TRIM33: variants seen among roughly 807,000 people sequenced by gnomAD.
The protein encoded by TRIM33 is E3 ubiquitin-protein ligase TRIM33.
A neutral mutation model predicts 125.4 loss-of-function variants in TRIM33; 20 were observed. The ratio of observed to expected loss-of-function variants is 0.16; its 90% CI spans 0.11 to 0.23. The LOEUF (loss-of-function observed/expected upper bound fraction) is 0.23, where lower values mean the gene tolerates loss of function less well. TRIM33 is among the 10% of genes least tolerant of loss of function. The probability of loss-of-function intolerance (pLI) is 1.00; values close to 1 mark genes in which losing one functional copy is unlikely to be tolerated. For synonymous variants in TRIM33, 564 were observed against 513.9 expected (o/e 1.10, Z -1.32); for missense variants, 920 against 1,411.4 (o/e 0.65, Z 5.58).
At chr1:114,461,488 T>A (rs975191388) in intron 4 of TRIM33, among the ~76,000 whole-genome samples, 1 of 151,306 alleles carries the variant, frequency 6.6e-6, no homozygotes, top group Middle Eastern at 3.4e-3. Context: ...TCAGTCAATA[T>A]GAGGGGAAAC....
At position 114,407,016 on chromosome 1, in the gene TRIM33, A is replaced by G; in HGVS notation, c.2343T>C (p.Thr781=). 1.2e-6 allele frequency: 2 copies of G among 1,614,018 alleles called. No homozygotes were observed. Among genetic ancestry groups the G allele is most frequent in the Non-Finnish European group, 1.7e-6 (2 of 1,179,930 alleles). The change falls in exon 14 of 20, where the codon ACT becomes ACC. Residue 781 remains threonine (T), a synonymous_variant. Transcript: ENST00000358465. ...DQVKVKQEPG[T]EDEICSFSGG... ...CTGAAAAGCTACATATTTCATCTTCAGTCCCAGGTTCTTGCTTGACCTTCA... is the reference window on the plus strand; with the variant it reads ...CTGAAAAGCTACATATTTCATCTTCGGTCCCAGGTTCTTGCTTGACCTTCA...
At chr1:114,441,516 A>T (rs931483597) in intron 4 of TRIM33, among the ~76,000 whole-genome samples, 1 of 152,240 alleles carries the variant, frequency 6.6e-6, no homozygotes, top group Admixed American at 6.5e-5. Context: ...ATACATGCAC[A>T]GAAGGGAACT....
At chr1:114,406,199 C>T (rs182746435) in intron 14 of TRIM33, among the ~76,000 whole-genome samples, 2 of 152,292 alleles carry the variant, frequency 1.3e-5, no homozygotes, top group East Asian at 3.9e-4. Context: ...TGTTCACCAA[C>T]CTTGGCACCC....
intron 4 of TRIM33, among the ~76,000 whole-genome samples, chr1:114,449,242 A>G (rs899843915): frequency 6.6e-6 from 1 of 152,214 alleles, no homozygotes; most frequent in Non-Finnish European, 1.5e-5. Flanking sequence ...AAAAGTCACC[A>G]GTCACGACAG....
In TRIM33 at chr1:114,511,155, C is replaced by T; in HGVS notation, c.-79G>A. 1.9e-6 allele frequency: 2 copies of T among 1,055,850 alleles called. No homozygotes were observed. The highest frequency in any genetic ancestry group is 8.8e-5 in the South Asian group (2 of 22,844). The allele number at this position is 1,055,850 out of a possible 1,614,324, so 65.4% of individuals were successfully genotyped here. On this transcript the variant is annotated 5_prime_UTR_variant, in exon 1 of 20. Transcript: ENST00000358465. ...CCGCCGCCGCCGCCCCCAGCCCCAG[C>T]CGCAGCCGCAGCAAGAGCGGCAGCC...
intron 5 of TRIM33, 113 bp from the exon 6 acceptor site, chr1:114,431,025 C>T: frequency 4.4e-6 from 3 of 689,596 alleles, no homozygotes; most frequent in South Asian, 1.8e-5. Context: ...AAAATGAAAA[C>T]TTTGTCAAAA....
chr1:114,477,839 G>A (rs1252229461), intron 1 of TRIM33, among the ~76,000 whole-genome samples: 1 of 152,116 alleles, frequency 6.6e-6, no homozygotes, highest in African/African-American at 2.4e-5. Context: ...CACCACCAGT[G>A]ACTAGTTGCT....
At chr1:114,447,888 A>G (rs1167658584) in intron 4 of TRIM33, among the ~76,000 whole-genome samples, 1 of 152,218 alleles carries the variant, frequency 6.6e-6, no homozygotes, top group African/African-American at 2.4e-5. Flanking sequence ...CATGACCTTG[A>G]AAAGAGCAAT....
At chr1:114,426,828 CTTAA>C (rs1161723193) in intron 8 of TRIM33, among the ~76,000 whole-genome samples, 1 of 152,162 alleles carries the variant, frequency 6.6e-6, no homozygotes, top group Non-Finnish European at 1.5e-5. Flanking sequence ...CACAATTTGG[CTTAA>C]TTAAACAACT....
At chr1:114,398,216 A>G (rs1000965435) in intron 18 of TRIM33, among the ~76,000 whole-genome samples, 1 of 152,208 alleles carries the variant, frequency 6.6e-6, no homozygotes, top group African/African-American at 2.4e-5. Context: ...CTTATTTTGA[A>G]TTATCAAGGT....
intron 1 of TRIM33, among the ~76,000 whole-genome samples, chr1:114,502,586 A>T (rs1002205883): frequency 6.6e-6 from 1 of 152,184 alleles, no homozygotes; most frequent in Admixed American, 6.6e-5. Flanking sequence ...AGTTCACTGT[A>T]GCCTCAACCT....
intron 4 of TRIM33, among the ~76,000 whole-genome samples, 176 bp downstream of exon 4, chr1:114,462,928 G>C (rs1331673499): frequency 1.3e-5 from 2 of 152,136 alleles, no homozygotes; most frequent in African/African-American, 2.4e-5. Context: ...AGATTTAAAT[G>C]TGGAAATCTT....
intron 10 of TRIM33, among the ~76,000 whole-genome samples, chr1:114,422,361 C>T (rs377608386): frequency 5.2e-4 from 79 of 152,248 alleles, no homozygotes; most frequent in South Asian, 2.5e-3. Context: ...GTAGCTTCTG[C>T]GCTCTGACAA....
At chr1:114,402,629 T>C (rs1389647941) in intron 16 of TRIM33, 131 bp downstream of exon 16, 2 of 1,060,386 alleles carry the variant, frequency 1.9e-6, no homozygotes, top group Non-Finnish European at 2.7e-6. Flanking sequence ...ATCATCAATA[T>C]ACCATCAGAT....
chr1:114,478,722 A>G (rs765509344), intron 1 of TRIM33, among the ~76,000 whole-genome samples: 2 of 152,228 alleles, frequency 1.3e-5, no homozygotes, highest in Non-Finnish European at 2.9e-5. Context: ...GTACATGCAA[A>G]ATAAAAAATT....
At chr1:114,487,104 TA>T (rs1342384226) in intron 1 of TRIM33, among the ~76,000 whole-genome samples, 1 of 149,958 alleles carries the variant, frequency 6.7e-6, no homozygotes, top group African/African-American at 2.5e-5. Flanking sequence ...AAAAAAAAAT[TA>T]CTTGAACAAA....
chr1:114,501,189 CAA>C (rs775867907), intron 1 of TRIM33, among the ~76,000 whole-genome samples: 2 of 23,162 alleles, frequency 8.6e-5, no homozygotes, highest in Non-Finnish European at 8.6e-5. Context: ...GACTCCGTCT[CAA>C]AAAAAAAAAA....
At chr1:114,497,460 C>T (rs1348126828) in intron 1 of TRIM33, among the ~76,000 whole-genome samples, 2 of 152,040 alleles carry the variant, frequency 1.3e-5, no homozygotes, top group Admixed American at 6.5e-5. Flanking sequence ...CCACACCCAG[C>T]GAATTTTTTT....
intron 11 of TRIM33, among the ~76,000 whole-genome samples, chr1:114,415,089 G>A (rs1215251347): frequency 6.9e-6 from 1 of 145,056 alleles, no homozygotes; most frequent in African/African-American, 2.6e-5. Context: ...TGATCCCCTG[G>A]GCTAAAGGGA....
Sources: allele counts gnomAD v4.1 joint callset (sites outside exome capture counted in the v4.1 genomes callset), GRCh38; gene constraint gnomAD v4.1.1; transcripts MANE v1.5; gene names NCBI Gene and HGNC (gene_info 2026-07-23, HGNC 2026-07-21).